The following LY6S variants were observed in gnomAD, a reference collection of about 807,000 sequenced individuals.
LY6S encodes lymphocyte antigen 6 family member S.
At chr8:143,065,597 G>A in the LY6S span, among the ~76,000 whole-genome samples, 1 of 151,802 alleles carries the variant, frequency 6.6e-6, no homozygotes, top group Non-Finnish European at 1.5e-5. Flanking sequence ...TAACCAAAGT[G>A]CTTCCAATCT....
chr8:143,050,250 G>A, the LY6S span, among the ~76,000 whole-genome samples: 1 of 145,510 alleles, frequency 6.9e-6, no homozygotes, highest in East Asian at 2.0e-4. Context: ...GTGTGATCTC[G>A]ACTCACTGCA....
chr8:143,068,934 G>A, the LY6S span, among the ~76,000 whole-genome samples: 1 of 152,198 alleles, frequency 6.6e-6, no homozygotes, highest in East Asian at 1.9e-4. Flanking sequence ...AATGCTCCCC[G>A]CACCGCCCCA....
At chr8:143,057,318 C>T in the LY6S span, 11,581 of 351,182 alleles carry the variant, frequency 0.033, 1,228 homozygotes, top group African/African-American at 0.23. Context: ...GGTGCCATCT[C>T]GGCTCACTGC....
the LY6S span, among the ~76,000 whole-genome samples, chr8:143,073,174 T>G: frequency 1.7e-5 from 1 of 58,470 alleles, no homozygotes; most frequent in Non-Finnish European, 5.2e-5. Context: ...GGTTCCTGTT[T>G]GAGGAGACAG....
the LY6S span, chr8:143,042,944 A>G: frequency 1.6e-6 from 2 of 1,252,110 alleles, no homozygotes; most frequent in African/African-American, 3.1e-5. Context: ...AAGCAGGGAT[A>G]TGTTCCCTGA....
the LY6S span, among the ~76,000 whole-genome samples, chr8:143,052,294 T>G: frequency 6.6e-6 from 1 of 151,924 alleles, no homozygotes; most frequent in Non-Finnish European, 1.5e-5. Flanking sequence ...AAAAAAAAAT[T>G]TACATAATTA....
the LY6S span, among the ~76,000 whole-genome samples, chr8:143,048,412 C>T: frequency 6.6e-6 from 1 of 152,108 alleles, no homozygotes; most frequent in East Asian, 1.9e-4. Flanking sequence ...CACTCGGCCG[C>T]CACCTCGTGG....
the LY6S span, among the ~76,000 whole-genome samples, chr8:143,072,117 A>G: frequency 1.3e-5 from 2 of 151,048 alleles, no homozygotes; most frequent in East Asian, 3.9e-4. Flanking sequence ...GAAATTTTAA[A>G]TAGTATCAGA....
the LY6S span, chr8:143,042,664 G>A: frequency 1.1e-5 from 3 of 268,586 alleles, no homozygotes; most frequent in South Asian, 1.2e-4. Context: ...CTCATCCTGT[G>A]TGGGAGGCCA....
chr8:143,076,384 C>A, the LY6S span, among the ~76,000 whole-genome samples: 1 of 152,206 alleles, frequency 6.6e-6, no homozygotes, highest in Non-Finnish European at 1.5e-5. Context: ...AGAGAGGGGT[C>A]TCGCTGGGGA....
At chr8:143,046,051 C>T in the LY6S span, among the ~76,000 whole-genome samples, 4 of 152,044 alleles carry the variant, frequency 2.6e-5, no homozygotes, top group Middle Eastern at 3.2e-3. Context: ...TGGGGTTTCA[C>T]CATGTTGGCC....
At chr8:143,066,271 C>T in the LY6S span, 12 of 216,304 alleles carry the variant, frequency 5.5e-5, no homozygotes, top group Admixed American at 2.3e-4. Context: ...CAGGTTCAAG[C>T]GATTCTCATG....
the LY6S span, among the ~76,000 whole-genome samples, chr8:143,073,994 G>A: frequency 3.3e-5 from 5 of 151,302 alleles, no homozygotes; most frequent in African/African-American, 4.9e-5. Context: ...CCTGTTTGAG[G>A]AGACAGCCGT....
the LY6S span, among the ~76,000 whole-genome samples, chr8:143,068,638 C>T: frequency 6.6e-6 from 1 of 152,186 alleles, no homozygotes; most frequent in Non-Finnish European, 1.5e-5. Context: ...CAGACTATCA[C>T]AACAGGCAAG....
the LY6S span, among the ~76,000 whole-genome samples, chr8:143,041,356 T>C: frequency 2.6e-5 from 4 of 152,244 alleles, no homozygotes. Flanking sequence ...TTCTCCTATT[T>C]GCTTTTGAAA....
the LY6S span, chr8:143,043,382 G>A: frequency 1.3e-5 from 7 of 539,198 alleles, no homozygotes; most frequent in Non-Finnish European, 2.0e-5. Flanking sequence ...CCTGCCCCGG[G>A]GCCTCAGGGG....
At chr8:143,050,397 T>A in the LY6S span, among the ~76,000 whole-genome samples, 149 of 152,020 alleles carry the variant, frequency 9.8e-4, 1 homozygote, top group Middle Eastern at 3.4e-3. Context: ...GCCAAGGTGG[T>A]CACAAACTCC....
chr8:143,070,475 AAATATATATATATATTT>A, the LY6S span, among the ~76,000 whole-genome samples: 1 of 44,538 alleles, frequency 2.2e-5, no homozygotes, highest in African/African-American at 8.6e-5. Flanking sequence ...ATATATATAT[AAATATATATATATATTT>A]TTTTTTTTTT....
At chr8:143,070,369 A>ATATATATAAATATATATATATT in the LY6S span, among the ~76,000 whole-genome samples, 1 of 125,744 alleles carries the variant, frequency 8.0e-6, no homozygotes, top group South Asian at 2.5e-4. Context: ...CAGCTGATAT[A>ATATATATAAATATATATATATT]TATATATAAA....
Sources: allele counts gnomAD v4.1 joint callset (sites outside exome capture counted in the v4.1 genomes callset), GRCh38; gene constraint gnomAD v4.1.1; transcripts MANE v1.5; gene names NCBI Gene and HGNC (gene_info 2026-07-23, HGNC 2026-07-21).